SMU1: variants seen among roughly 807,000 people sequenced by gnomAD.
The protein encoded by SMU1 is SMU1 DNA replication regulator and spliceosomal factor.
Under a neutral mutation model 62.0 loss-of-function variants are expected in SMU1, and 2 were observed. That is an observed-to-expected ratio of 0.03 (90% CI 0.01 to 0.10). The LOEUF is 0.10. SMU1 is among the 10% of genes least tolerant of loss of function. SMU1 has a pLI of 1.00. For synonymous variants in SMU1, 188 were observed against 212.4 expected (o/e 0.89, Z 1.00); for missense variants, 227 against 622.1 (o/e 0.36, Z 6.76).
At position 33,042,432 on chromosome 9, in the gene SMU1, AACTC is replaced by A. The variant is rs1403570108; in HGVS notation, c.*4857_*4860del. The A allele has an allele frequency of 1.3e-5, 2 of 152,622 alleles. No individual in the cohort carries two copies. The highest frequency in any genetic ancestry group is 2.9e-5 in the Non-Finnish European group (2 of 68,066). The allele number at this position is 152,622 out of a possible 1,614,324, so 9.5% of individuals were successfully genotyped here. Reference sequence around the variant, plus strand: ...CCACAAAAATACAAGTTCCAGCACTAACTCTGCTTTCTCTGTGATGCTTCTCCTG... The same window carrying A: ...CCACAAAAATACAAGTTCCAGCACTATGCTTTCTCTGTGATGCTTCTCCTG... On this transcript the variant is annotated 3_prime_UTR_variant, in exon 12 of 12. Coordinates refer to ENST00000397149, the MANE Select transcript of SMU1 (RefSeq NM_018225.3).
intron 6 of SMU1, among the ~76,000 whole-genome samples, chr9:33,060,047 C>T (rs1839345875): frequency 6.6e-6 from 1 of 151,876 alleles, no homozygotes; most frequent in South Asian, 2.1e-4. Flanking sequence ...GACAGTGTTG[C>T]TGCCCAGGCT....
chr9:33,063,895 AG>A, intron 4 of SMU1, among the ~76,000 whole-genome samples: 1 of 152,246 alleles, frequency 6.6e-6, no homozygotes, highest in South Asian at 2.1e-4. Flanking sequence ...TTTAATAAGT[AG>A]AAATAGAATA....
intron 4 of SMU1, among the ~76,000 whole-genome samples, chr9:33,062,665 T>C (rs1414840439): frequency 6.6e-6 from 1 of 152,158 alleles, no homozygotes; most frequent in Non-Finnish European, 1.5e-5. Context: ...ATATATCCCA[T>C]CTAGTAGATG....
chr9:33,060,596 G>A lies in SMU1; in HGVS notation c.631-12C>T. Reference sequence around the variant, plus strand: ...GATTTCTGACCAAACTGTTTCAAATGAAACAATGAAACAGATGCATTTTTA... The same window carrying A: ...GATTTCTGACCAAACTGTTTCAAATAAAACAATGAAACAGATGCATTTTTA... On this transcript the variant is annotated splice_polypyrimidine_tract_variant and intron_variant, in intron 5 of 11. Coordinates refer to ENST00000397149, the MANE Select transcript of SMU1 (RefSeq NM_018225.3). 1 of 1,601,386 alleles carries A rather than the reference G, an allele frequency of 6.2e-7. No homozygotes were observed.
chr9:33,070,605 A>C (rs747375763), intron 3 of SMU1, among the ~76,000 whole-genome samples: 1 of 152,254 alleles, frequency 6.6e-6, no homozygotes, highest in Non-Finnish European at 1.5e-5. Context: ...AGTGTTCACA[A>C]TAGGCAAGAT....
In SMU1 at chr9:33,051,556, C is replaced by T. The variant is rs546351841; in HGVS notation, c.1290+1567G>A. Among the ~76,000 whole-genome samples, 5 of 152,108 alleles carry T rather than the reference C, an allele frequency of 3.3e-5. No homozygotes were observed. In the South Asian group the frequency reaches 8.3e-4, roughly 25 times the overall value. ...TACTGATAGTGTGGAAGGCTGTGCC[C>T]GTGGGAGGGACAGAAGAAATATGGG... On this transcript the variant is annotated intron_variant, in intron 10 of 11. Coordinates refer to ENST00000397149, the MANE Select transcript of SMU1 (RefSeq NM_018225.3).
chr9:33,055,822 ATG>A (rs1398481943), intron 9 of SMU1, among the ~76,000 whole-genome samples: 1 of 152,184 alleles, frequency 6.6e-6, no homozygotes, highest in African/African-American at 2.4e-5. Flanking sequence ...TTTAACCACC[ATG>A]TGTATCTGTG....
At position 33,057,694 on chromosome 9, in the gene SMU1, T is replaced by C; in HGVS notation, c.771A>G (p.Gln257=). The change falls in exon 7 of 12, where the codon CAA becomes CAG. Residue 257 remains glutamine (Q), a synonymous_variant. Coordinates refer to ENST00000397149, the MANE Select transcript of SMU1 (RefSeq NM_018225.3). ...KIRKDLKYQA[Q]DNFMMMDDAV... is the part of the protein sequence containing the mutation. ...CATCATCCATCATCATAAAGTTATC[T>C]TGGGCCTGGTACTTAAGATCCTAAA... The C allele has an allele frequency of 6.2e-7, 1 of 1,613,866 alleles. No individual in the cohort carries two copies. The highest frequency in any genetic ancestry group is 8.5e-7 in the Non-Finnish European group (1 of 1,179,966).
At chr9:33,072,322 G>C (rs1366858504) in intron 2 of SMU1, among the ~76,000 whole-genome samples, 4 of 152,190 alleles carry the variant, frequency 2.6e-5, no homozygotes, top group Admixed American at 6.5e-5. Context: ...GGGCGACAGA[G>C]CGAGATCTGT....
At position 33,070,178 on chromosome 9, in the gene SMU1, T is replaced by C. The variant is rs537304917; in HGVS notation, c.391-1244A>G. Reference sequence around the variant, plus strand: ...AATATATAAGGAGCTCAAACAACTCTACGGGAAAAAAATCTGATAATCCAA... The same window carrying C: ...AATATATAAGGAGCTCAAACAACTCCACGGGAAAAAAATCTGATAATCCAA... On this transcript the variant is annotated intron_variant, in intron 3 of 11. Transcript: ENST00000397149. 8.3e-4 allele frequency among the ~76,000 whole-genome samples: 127 copies of C among 152,130 alleles called. 1 individual carries two copies. Among genetic ancestry groups the C allele is most frequent in the African/African-American group, 3.0e-3 (125 of 41,520 alleles).
intron 3 of SMU1, among the ~76,000 whole-genome samples, chr9:33,069,233 G>A (rs2117860240): frequency 6.6e-6 from 1 of 152,280 alleles, no homozygotes; most frequent in African/African-American, 2.4e-5. Flanking sequence ...AAGAGTCCAA[G>A]TAAACCACAT....
Position 33,068,954 on chromosome 9 carries a change from A to G in SMU1, c.391-20T>C, listed in dbSNP as rs1353272334. On this transcript the variant is annotated intron_variant, in intron 3 of 11. Transcript: ENST00000397149. The stretch of plus-strand genomic sequence containing the variant: ...GTATGCCTGAAAAAGGAGAGGGTGT[A>G]GCATCATTTCCAAGAAGCAACAACA... 2 of 1,612,828 alleles carry G rather than the reference A, an allele frequency of 1.2e-6. No homozygotes were observed. Among genetic ancestry groups the G allele is most frequent in the African/African-American group, 1.3e-5 (1 of 74,884 alleles).
intron 1 of SMU1, among the ~76,000 whole-genome samples, chr9:33,074,964 G>A (rs1325489277): frequency 2.6e-5 from 4 of 152,122 alleles, no homozygotes; most frequent in East Asian, 1.9e-4. Context: ...GTAGAGACGT[G>A]GTTTTGCCAT....
At chr9:33,047,850 C>T (rs1291551760) in intron 11 of SMU1, among the ~76,000 whole-genome samples, 1 of 151,960 alleles carries the variant, frequency 6.6e-6, no homozygotes, top group Admixed American at 6.6e-5. Flanking sequence ...CAGAGTGAGA[C>T]TCCCTCTCAA....
intron 1 of SMU1, among the ~76,000 whole-genome samples, chr9:33,075,345 C>T (rs1003978239): frequency 7.9e-5 from 12 of 152,024 alleles, no homozygotes; most frequent in Non-Finnish European, 1.6e-4. Flanking sequence ...CCACTGCATT[C>T]CAGCCTGGGT....
intron 1 of SMU1, among the ~76,000 whole-genome samples, chr9:33,074,693 A>T (rs542198473): frequency 6.6e-6 from 1 of 152,072 alleles, no homozygotes; most frequent in Non-Finnish European, 1.5e-5. Flanking sequence ...GATAATAGAG[A>T]TAATAAGTGG....
At chr9:33,071,148 TA>T (rs1839481606) in intron 3 of SMU1, among the ~76,000 whole-genome samples, 2 of 152,052 alleles carry the variant, frequency 1.3e-5, no homozygotes, top group Admixed American at 6.6e-5. Flanking sequence ...TATGTACCCA[TA>T]AAAAATTTTT....
At chr9:33,071,343 A>G (rs2117872057) in intron 3 of SMU1, among the ~76,000 whole-genome samples, 1 of 152,274 alleles carries the variant, frequency 6.6e-6, no homozygotes, top group African/African-American at 2.4e-5. Context: ...GAAGAAACAA[A>G]AGCTTCTAGG....
Position 33,047,066 on chromosome 9 carries a change from C to T in SMU1, c.*227G>A. 2.5e-6 allele frequency: 1 copy of T among 392,900 alleles called. No individual in the cohort carries two copies. The highest frequency in any genetic ancestry group is 4.7e-5 in the East Asian group (1 of 21,444). The allele number at this position is 392,900 out of a possible 1,614,324, so 24.3% of individuals were successfully genotyped here. A position where few individuals can be genotyped will look rare whatever the true frequency, so the allele number is the denominator to read the frequency against. ...TCTCCAGGTCGAAGATTAATGAAAA[C>T]ATTAAGTGACTGCACCAGTTAGAAG... On this transcript the variant is annotated 3_prime_UTR_variant, in exon 12 of 12. Coordinates refer to ENST00000397149, the MANE Select transcript of SMU1 (RefSeq NM_018225.3).
Sources: allele counts gnomAD v4.1 joint callset (sites outside exome capture counted in the v4.1 genomes callset), GRCh38; gene constraint gnomAD v4.1.1; transcripts MANE v1.5; gene names NCBI Gene and HGNC (gene_info 2026-07-23, HGNC 2026-07-21).